Variants in POMT1 observed in about 807,000 individuals in gnomAD.
POMT1 encodes the protein protein O-mannosyltransferase 1, also known as protein O-mannosyl-transferase 1.
Under a neutral mutation model 101.6 loss-of-function variants are expected in POMT1, and 85 were observed. The ratio of observed to expected loss-of-function variants is 0.84; its 90% CI spans 0.70 to 1.00. POMT1 has a LOEUF of 1.00. Among genes scored for constraint, POMT1 ranks in the 50% least tolerant of loss-of-function variants. POMT1 has a pLI of 0.00. For synonymous variants in POMT1, 371 were observed against 383.0 expected, an observed-to-expected ratio of 0.97 and a Z score of 0.37; for missense variants, 857 against 930.4, an observed-to-expected ratio of 0.92 and a Z score of 1.03.
intron 18 of POMT1, 137 bp from the exon 19 acceptor site, chr9:131,521,910 G>C: frequency 1.3e-6 from 2 of 1,513,272 alleles, no homozygotes; most frequent in Non-Finnish European, 1.8e-6. Flanking sequence ...GCCAAAGTGA[G>C]GGAGTCACCT....
At position 131,520,006 on chromosome 9, in the gene POMT1, C is replaced by T. The variant is rs1261645299; in HGVS notation, c.1585-74C>T. The T allele has an allele frequency of 5.9e-6, 7 of 1,187,096 alleles. No homozygotes were observed. In the African/African-American group the frequency reaches 9.0e-5, roughly 15 times the overall value. The allele number at this position is 1,187,096 out of a possible 1,614,324, so 73.5% of individuals were successfully genotyped here. A position where few individuals can be genotyped will look rare whatever the true frequency, so the allele number is the denominator to read the frequency against. ...TCCACGTGCAAGGGGCAGCAGTGTA[C>T]TCCTTTGACCAAATCCACGCACAGC... On this transcript the variant is annotated intron_variant, in intron 16 of 19. Coordinates refer to ENST00000402686, the MANE Select transcript of POMT1 (RefSeq NM_001077365.2).
rs1235046081 is a variant in POMT1 at position 131,510,305 on chromosome 9, G to C, written c.745G>C (p.Val249Leu). 6.2e-7 allele frequency: 1 copy of C among 1,614,196 alleles called. No individual in the cohort carries two copies. ...GCTCGCCCGAGCAGTGGCTTTGCTGGTCATCCCGGTCGTCCTGTACTTACT... is the reference window on the plus strand; with the variant it reads ...GCTCGCCCGAGCAGTGGCTTTGCTGCTCATCCCGGTCGTCCTGTACTTACT... Reference protein sequence around the residue: ...HLLARAVALLVIPVVLYLLFF... With the variant: ...HLLARAVALLLIPVVLYLLFF... Residue 249 changes from valine to leucine, a missense_variant, in exon 9 of 20, where the codon GTC (valine) becomes CTC (leucine). Coordinates refer to ENST00000402686, the MANE Select transcript of POMT1 (RefSeq NM_001077365.2).
chr9:131,510,058 A>AG lies in POMT1; in HGVS notation c.699+67dup. On this transcript the variant is annotated intron_variant, in intron 8 of 19. Coordinates refer to ENST00000402686, the MANE Select transcript of POMT1 (RefSeq NM_001077365.2). ...TGTATGGGGCAGATGCAGATGTCAC[A>AG]GGGGGTACTTGGTGAAAAGACTCCA... 1 of 1,614,068 alleles carries AG rather than the reference A, an allele frequency of 6.2e-7. No homozygotes were observed. The highest frequency in any genetic ancestry group is 8.5e-7 in the Non-Finnish European group (1 of 1,179,940).
intron 5 of POMT1, 46 bp from the exon 6 acceptor site, chr9:131,508,865 T>C: frequency 7.3e-7 from 1 of 1,371,794 alleles, no homozygotes; most frequent in Non-Finnish European, 1.0e-6. Context: ...CTCATACGTT[T>C]TCCCTTGCTA....
At chr9:131,513,185 G>C in intron 11 of POMT1, 54 bp from the exon 12 acceptor site, 2 of 1,475,560 alleles carry the variant, frequency 1.4e-6, no homozygotes, top group Non-Finnish European at 1.9e-6. Flanking sequence ...CGGTGCAGCT[G>C]TTAGTTCGAG....
chr9:131,518,671 G>A (rs1949258293), intron 14 of POMT1, 134 bp downstream of exon 14: 1 of 1,404,728 alleles, frequency 7.1e-7, no homozygotes, highest in African/African-American at 1.4e-5. Context: ...CTTACACTGA[G>A]GGAGGGCGGC....
At position 131,508,995 on chromosome 9, in the gene POMT1, T is replaced by G. The variant is rs756975009; in HGVS notation, c.512T>G (p.Leu171Arg). Residue 171 changes from leucine (L) to arginine (R), a missense_variant, in exon 6 of 20, where the codon CTG (leucine) becomes CGG (arginine). By Grantham distance (102) the Leu-to-Arg change is moderately radical. Coordinates refer to ENST00000402686, the MANE Select transcript of POMT1 (RefSeq NM_001077365.2). ...AATCTATTGGCCGTGTTGTCCTACC[T>G]GAAGTTCTTCAACTGCCAAAAGCAC... is the stretch of plus-strand genomic sequence containing the variant. ...FFNLLAVLSYLKFFNCQKHSP... is the reference protein window; with the variant it reads ...FFNLLAVLSYRKFFNCQKHSP... 12 of 1,613,012 alleles carry G rather than the reference T, an allele frequency of 7.4e-6. No individual in the cohort carries two copies. Among genetic ancestry groups the G allele is most frequent in the Non-Finnish European group, 6.8e-6 (8 of 1,179,050 alleles).
At chr9:131,513,571 C>T (rs1473780014) in intron 12 of POMT1, among the ~76,000 whole-genome samples, 2 of 152,198 alleles carry the variant, frequency 1.3e-5, no homozygotes, top group Non-Finnish European at 2.9e-5. Context: ...CCTAGCACAG[C>T]CCATCCTAGG....
Position 131,518,456 on chromosome 9 carries a change from CAG to C in POMT1, c.1287_1288del (p.Gly430IlefsTer2). On this transcript the variant is annotated frameshift_variant, in exon 14 of 20. Transcript: ENST00000402686. LOFTEE classifies it high-confidence loss of function. Reference sequence around the variant, plus strand: ...ATGTCTTTTTGCAGGAAATTGTGAACAGAGGATCTGACACAGACGTCTGGAAG... The same window carrying C: ...ATGTCTTTTTGCAGGAAATTGTGAACAGGATCTGACACAGACGTCTGGAAG... ...QNLWRLEIVN[R>X]GSDTDVWKTI... 1 of 1,613,414 alleles carries C rather than the reference CAG, an allele frequency of 6.2e-7. No homozygotes were observed. The highest frequency in any genetic ancestry group is 8.5e-7 in the Non-Finnish European group (1 of 1,179,452).
intron 1 of POMT1, 96 bp from the exon 2 acceptor site, chr9:131,504,092 TG>T: frequency 7.0e-7 from 1 of 1,432,016 alleles, no homozygotes. Context: ...GGCTGTGCTG[TG>T]GTTCTCCTCG....
rs2018621 is a variant in POMT1, at chr9:131,510,212, A to G, written c.700-48A>G. The G allele has an allele frequency of 0.94, 1,516,201 of 1,613,422 alleles. 714,691 individuals carry two copies. The highest frequency in any genetic ancestry group is 0.97 in the South Asian group (88,312 of 90,988). ...AAGCTCACAATGTCTAGAGGTGGGT[A>G]CGCTTTTCCACGCAGTGGAACATGA... On this transcript the variant is annotated intron_variant, in intron 8 of 19. Transcript: ENST00000402686.
At chr9:131,504,041 T>G (rs893717383) in intron 1 of POMT1, 148 bp from the exon 2 acceptor site, 31 of 896,474 alleles carry the variant, frequency 3.5e-5, no homozygotes, top group Non-Finnish European at 5.1e-5. Context: ...CATGTCTACC[T>G]GAACCAAGGC....
At chr9:131,510,698 G>C in intron 9 of POMT1, 1 of 433,560 alleles carries the variant, frequency 2.3e-6, no homozygotes, top group Non-Finnish European at 4.3e-6. Flanking sequence ...TAGAGATGGG[G>C]TTTCACCATG....
Position 131,523,054 on chromosome 9 carries a change from T to C in POMT1, c.2126T>C (p.Leu709Pro), listed in dbSNP as rs776988725. 1 of 1,611,522 alleles carries C rather than the reference T, an allele frequency of 6.2e-7. No individual in the cohort carries two copies. ...GACAAGTCACTCTCGCCACATGAAC[T>C]CAAGGCCCTTCGCTGGAAAGACAGC... is the stretch of plus-strand genomic sequence containing the variant. ...YGDKSLSPHE[L>P]KALRWKDSWD... Residue 709 changes from leucine (L) to proline (P), a missense_variant, in exon 20 of 20, where the codon CTC becomes CCC. Transcript: ENST00000402686.
At chr9:131,508,857 C>T (rs1198045896) in intron 5 of POMT1, 54 bp from the exon 6 acceptor site, 7 of 1,264,066 alleles carry the variant, frequency 5.5e-6, no homozygotes, top group African/African-American at 1.5e-5. Flanking sequence ...TTTTCATCCT[C>T]ATACGTTTTC....
chr9:131,522,402 G>A lies in POMT1; in HGVS notation c.2003+178G>A. The A allele has an allele frequency of 1.6e-6, 2 of 1,285,752 alleles. No individual in the cohort carries two copies. Among genetic ancestry groups the A allele is most frequent in the Non-Finnish European group, 2.1e-6 (2 of 951,784 alleles). The allele number at this position is 1,285,752 out of a possible 1,614,324, so 79.6% of individuals were successfully genotyped here. A position where few individuals can be genotyped will look rare whatever the true frequency, so the allele number is the denominator to read the frequency against. On this transcript the variant is annotated intron_variant, in intron 19 of 19. Transcript: ENST00000402686. The surrounding 1 kb of genome is among the most constrained non-coding windows in gnomAD (Gnocchi z 5.5). Reference sequence around the variant, plus strand: ...AGAGATGCCCAGATGAGGCACTGCAGGAACCCAGAGGGAGAAGTCGCGGCT... The same window carrying A: ...AGAGATGCCCAGATGAGGCACTGCAAGAACCCAGAGGGAGAAGTCGCGGCT...
chr9:131,519,496 G>A lies in POMT1; in HGVS notation c.1584+10G>A, dbSNP rs377495957. On this transcript the variant is annotated intron_variant, in intron 16 of 19. Coordinates refer to ENST00000402686, the MANE Select transcript of POMT1 (RefSeq NM_001077365.2). The surrounding 1 kb of genome is among the most constrained non-coding windows in gnomAD (Gnocchi z 4.3). Reference sequence around the variant, plus strand: ...ATTCTCGGAGCTGCAGGTGAGGAGCGGCCAGGGGAAGCTGGCCTAGCTCGC... The same window carrying A: ...ATTCTCGGAGCTGCAGGTGAGGAGCAGCCAGGGGAAGCTGGCCTAGCTCGC... 2.5e-5 allele frequency: 39 copies of A among 1,548,952 alleles called. No individual in the cohort carries two copies. Among genetic ancestry groups the A allele is most frequent in the Non-Finnish European group, 2.5e-5 (29 of 1,146,926 alleles).
rs878875226 is a variant in POMT1 at position 131,506,395 on chromosome 9, T to C, written c.230-8T>C. On this transcript the variant is annotated splice_region_variant and splice_polypyrimidine_tract_variant and intron_variant, in intron 3 of 19. Transcript: ENST00000402686. ...ATGGGATAGTTACTGATTAATCTTC[T>C]GTTTCAGGTTATTTAGGAGGATTCG... 3 of 1,611,806 alleles carry C rather than the reference T, an allele frequency of 1.9e-6. No individual in the cohort carries two copies. The highest frequency in any genetic ancestry group is 2.2e-5 in the South Asian group (2 of 91,018).
At chr9:131,516,472 GA>G (rs1464642135) in intron 13 of POMT1, 1 of 156,400 alleles carries the variant, frequency 6.4e-6, no homozygotes, top group East Asian at 1.9e-4. Flanking sequence ...TGGAATGTTT[GA>G]AACTGCCGTT....
Sources: gnomAD v4.1 joint callset for allele counts (sites outside exome capture counted in the v4.1 genomes callset) on GRCh38, gnomAD v4.1.1 for gene constraint, Gnocchi (gnomAD v3.1) non-coding constraint, MANE v1.5 for transcripts, NCBI Gene and HGNC (gene_info 2026-07-23, HGNC 2026-07-21) for gene names.